TG: variants seen among roughly 807,000 people sequenced by gnomAD.
TG encodes the protein thyroglobulin.
Under a neutral mutation model 324.7 loss-of-function variants are expected in TG, and 270 were observed. The observed-to-expected ratio is 0.83, with a 90% CI of 0.75 to 0.92. The LOEUF (loss-of-function observed/expected upper bound fraction) is 0.92. Ranked by LOEUF, TG falls within the 40% of genes least tolerant of loss-of-function variation. The pLI is 0.00. For synonymous variants in TG, 1,401 were observed against 1,327.0 expected (o/e 1.06, Z -1.21); for missense variants, 3,591 against 3,456.4 (o/e 1.04, Z -0.98).
intron 22 of TG, among the ~76,000 whole-genome samples, chr8:132,926,558 G>A (rs973678708): frequency 6.6e-6 from 1 of 152,146 alleles, no homozygotes; most frequent in Non-Finnish European, 1.5e-5. Flanking sequence ...TTGACAGAAT[G>A]AATAAATTTC....
chr8:132,968,711 T>C (rs895419866), intron 31 of TG, among the ~76,000 whole-genome samples: 1 of 152,216 alleles, frequency 6.6e-6, no homozygotes, highest in African/African-American at 2.4e-5. Context: ...TCCTGTTGGG[T>C]TGCCCTTTGG....
intron 26 of TG, among the ~76,000 whole-genome samples, chr8:132,946,217 A>C (rs1825269919): frequency 6.6e-6 from 1 of 152,176 alleles, no homozygotes; most frequent in Non-Finnish European, 1.5e-5. Flanking sequence ...ATTTTTTTCA[A>C]GCTGGAAAGG....
At chr8:133,036,632 CCTCT>C (rs1172399606) in intron 41 of TG, 2 of 152,310 alleles carry the variant, frequency 1.3e-5, no homozygotes, top group Non-Finnish European at 2.9e-5. Flanking sequence ...GATCTTTACT[CCTCT>C]CTCTCTAGTT....
rs16904776 is a variant in TG, at chr8:132,888,901, T to A, written c.2761+333T>A. Among the ~76,000 whole-genome samples the A allele has an allele frequency of 2.0e-5, 3 of 152,344 alleles. No individual in the cohort carries two copies. The East Asian group carries it at 5.8e-4, about 29-fold the overall frequency. ...GAAGGCTATAAAAGTGGAGATGACC[T>A]GGCCCTCGTCCTCCTATGGTTAATG... On this transcript the variant is annotated intron_variant, in intron 10 of 47. Coordinates refer to ENST00000220616, the MANE Select transcript of TG (RefSeq NM_003235.5).
chr8:133,099,224 C>G (rs906434648), intron 43 of TG, among the ~76,000 whole-genome samples: 3 of 152,236 alleles, frequency 2.0e-5, no homozygotes, highest in Non-Finnish European at 4.4e-5. Context: ...TCCCAGACAC[C>G]AATCACAGGG....
intron 29 of TG, among the ~76,000 whole-genome samples, chr8:132,963,647 C>T (rs1159869767): frequency 6.6e-6 from 1 of 150,722 alleles, no homozygotes; most frequent in African/African-American, 2.4e-5. Flanking sequence ...GACCAGGAGA[C>T]AAGACATCTG....
At chr8:133,109,479 C>T (rs1002853423) in intron 43 of TG, among the ~76,000 whole-genome samples, 2 of 152,188 alleles carry the variant, frequency 1.3e-5, no homozygotes, top group African/African-American at 2.4e-5. Context: ...GCACTCCTCA[C>T]GTGGCCTGGG....
chr8:132,876,309 TG>T (rs1408491247), intron 5 of TG, among the ~76,000 whole-genome samples: 2 of 152,074 alleles, frequency 1.3e-5, no homozygotes, highest in Non-Finnish European at 2.9e-5. Context: ...GGAATTGATA[TG>T]GAGGTGAGGG....
At chr8:133,091,739 G>T (rs1236614806) in intron 41 of TG, among the ~76,000 whole-genome samples, 1 of 151,694 alleles carries the variant, frequency 6.6e-6, no homozygotes, top group Non-Finnish European at 1.5e-5. Flanking sequence ...TATGTGTGTG[G>T]GTGTATATTT....
intron 41 of TG, among the ~76,000 whole-genome samples, chr8:133,068,706 A>G (rs920554572): frequency 5.3e-5 from 8 of 152,258 alleles, no homozygotes; most frequent in Admixed American, 6.5e-5. Context: ...TGGGCGTCTT[A>G]TGAAGAGCTG....
chr8:133,030,156 G>A (rs937527342), intron 41 of TG, 133 bp downstream of exon 41: 28 of 1,140,694 alleles, frequency 2.5e-5, no homozygotes, highest in Non-Finnish European at 3.9e-6. Flanking sequence ...TGTGGATGCT[G>A]CTTGGAGTTT....
intron 4 of TG, 56 bp downstream of exon 4, chr8:132,871,607 T>C (rs1402934166): frequency 6.4e-7 from 1 of 1,559,560 alleles, no homozygotes; most frequent in African/African-American, 1.4e-5. Flanking sequence ...GAAGCTTTCC[T>C]CACTGCGATC....
intron 26 of TG, among the ~76,000 whole-genome samples, chr8:132,942,552 T>A (rs12675044): frequency 1.3e-5 from 2 of 152,258 alleles, no homozygotes; most frequent in East Asian, 3.9e-4. Flanking sequence ...TGCAATGGAA[T>A]GTTCTAGGCA....
chr8:133,001,156 T>C (rs1374833818), intron 35 of TG, among the ~76,000 whole-genome samples: 2 of 152,168 alleles, frequency 1.3e-5, no homozygotes, highest in Non-Finnish European at 2.9e-5. Context: ...ATTATGTCTG[T>C]TAAGAGTCTA....
At chr8:133,063,535 T>A (rs1842683251) in intron 41 of TG, 1 of 151,686 alleles carries the variant, frequency 6.6e-6, no homozygotes, top group South Asian at 2.1e-4. Flanking sequence ...AAACTTGCAT[T>A]GTTGAGATTG....
chr8:132,904,750 A>AT (rs1328468958), intron 16 of TG, among the ~76,000 whole-genome samples: 3 of 152,204 alleles, frequency 2.0e-5, no homozygotes, highest in African/African-American at 7.2e-5. Context: ...GGTAAAAAAA[A>AT]CAAAAACAAA....
intron 44 of TG, among the ~76,000 whole-genome samples, chr8:133,114,142 G>A (rs2131761868): frequency 6.6e-6 from 1 of 152,346 alleles, no homozygotes; most frequent in African/African-American, 2.4e-5. Flanking sequence ...GTGGGAAGCA[G>A]AGGCCTGGAG....
At chr8:133,105,642 C>G (rs1450507694) in intron 43 of TG, among the ~76,000 whole-genome samples, 1 of 152,068 alleles carries the variant, frequency 6.6e-6, no homozygotes, top group Non-Finnish European at 1.5e-5. Flanking sequence ...GAGGTTCAAG[C>G]TGGAGAGAGA....
intron 16 of TG, among the ~76,000 whole-genome samples, chr8:132,905,767 T>C (rs1818583869): frequency 1.3e-5 from 2 of 152,164 alleles, no homozygotes; most frequent in African/African-American, 4.8e-5. Flanking sequence ...AAGGAAGGTC[T>C]GTACCTGGTG....
Sources: gnomAD v4.1 joint callset for allele counts (sites outside exome capture counted in the v4.1 genomes callset) on GRCh38, gnomAD v4.1.1 for gene constraint, MANE v1.5 for transcripts, NCBI Gene and HGNC (gene_info 2026-07-23, HGNC 2026-07-21) for gene names.